TSHZ2: variants seen among roughly 807,000 people sequenced by gnomAD.
The protein encoded by TSHZ2 is teashirt zinc finger homeobox 2.
TSHZ2 carries 21 observed loss-of-function variants against 74.4 expected under a neutral mutation model. The ratio of observed to expected loss-of-function variants is 0.28; its 90% CI spans 0.20 to 0.41. The LOEUF (loss-of-function observed/expected upper bound fraction) is 0.41, where lower values mean the gene tolerates loss of function less well. Ranked by LOEUF, TSHZ2 falls within the 10% of genes least tolerant of loss-of-function variation. The pLI is 1.00. For missense variants in TSHZ2, 1,244 were observed against 1,293.5 expected (o/e 0.96, Z 0.59); for synonymous variants, 540 against 515.3 (o/e 1.05, Z -0.65).
In TSHZ2 at chr20:53,254,991, G is replaced by A; in HGVS notation, c.1533G>A (p.Lys511=). ...AGGAAGACTTGGAAGATGGCTCAAA[G>A]GGTGGAGGGGACATTTTGAAATCTT... ...LREEDLEDGS[K]GGGDILKSLE... The change falls in exon 2 of 3, where the codon AAG becomes AAA. Residue 511 remains lysine, a synonymous_variant. Coordinates refer to ENST00000371497, the MANE Select transcript of TSHZ2 (RefSeq NM_173485.6). The A allele has an allele frequency of 6.2e-7, 1 of 1,614,174 alleles. No homozygotes were observed. Among genetic ancestry groups the A allele is most frequent in the Non-Finnish European group, 8.5e-7 (1 of 1,180,028 alleles).
intron 1 of TSHZ2, among the ~76,000 whole-genome samples, chr20:53,236,442 G>T (rs1315684903): frequency 6.6e-6 from 1 of 152,222 alleles, no homozygotes; most frequent in Admixed American, 6.5e-5. Context: ...CAAAATGCAA[G>T]ATTTGTCTAG....
chr20:53,229,723 A>G (rs891900658), intron 1 of TSHZ2, among the ~76,000 whole-genome samples: 4 of 151,944 alleles, frequency 2.6e-5, no homozygotes, highest in African/African-American at 9.7e-5. Flanking sequence ...ATTGGGAGAG[A>G]AAAGAAAGAA....
At chr20:53,261,378 T>C (rs1305312965) in intron 2 of TSHZ2, among the ~76,000 whole-genome samples, 2 of 152,186 alleles carry the variant, frequency 1.3e-5, no homozygotes, top group African/African-American at 4.8e-5. Flanking sequence ...ATTTGCCATA[T>C]GGTGTCTAAC....
intron 1 of TSHZ2, among the ~76,000 whole-genome samples, chr20:53,232,722 C>G (rs902126170): frequency 6.6e-6 from 1 of 151,972 alleles, no homozygotes; most frequent in Admixed American, 6.6e-5. Flanking sequence ...AGAGCGAGAC[C>G]CCCCCTCTAG....
intron 1 of TSHZ2, among the ~76,000 whole-genome samples, chr20:53,001,200 A>G (rs62206633): frequency 4.0e-4 from 22 of 54,492 alleles, no homozygotes; most frequent in African/African-American, 1.2e-3. Context: ...GTGTGCGTTC[A>G]TGTGCGTGTG....
At chr20:53,349,786 A>G (rs1980578263) in intron 2 of TSHZ2, among the ~76,000 whole-genome samples, 1 of 152,218 alleles carries the variant, frequency 6.6e-6, no homozygotes, top group Admixed American at 6.5e-5. Flanking sequence ...TCATTCTTAT[A>G]TTCTTATTAC....
At chr20:53,290,774 A>G (rs1991263846) in intron 2 of TSHZ2, among the ~76,000 whole-genome samples, 1 of 152,130 alleles carries the variant, frequency 6.6e-6, no homozygotes, top group Non-Finnish European at 1.5e-5. Context: ...GTCAGTGTCC[A>G]CTCTCAAAAG....
chr20:52,975,928 T>C (rs1981319011), intron 1 of TSHZ2, among the ~76,000 whole-genome samples: 1 of 152,174 alleles, frequency 6.6e-6, no homozygotes, highest in African/African-American at 2.4e-5. Context: ...TTAAACACAA[T>C]GCACAACTGT....
chr20:53,196,924 T>A (rs1988414928), intron 1 of TSHZ2, among the ~76,000 whole-genome samples: 1 of 152,272 alleles, frequency 6.6e-6, no homozygotes, highest in South Asian at 2.1e-4. Context: ...AGCCTCAGCT[T>A]CCCTATGTCC....
At chr20:53,375,625 A>C (rs1289307063) in intron 2 of TSHZ2, among the ~76,000 whole-genome samples, 1 of 152,000 alleles carries the variant, frequency 6.6e-6, no homozygotes, top group Non-Finnish European at 1.5e-5. Flanking sequence ...AGGGAACCAC[A>C]GGGCTGCTGC....
At chr20:53,428,641 G>C (rs1221766234) in intron 2 of TSHZ2, among the ~76,000 whole-genome samples, 2 of 147,526 alleles carry the variant, frequency 1.4e-5, no homozygotes, top group African/African-American at 4.9e-5. Context: ...ACAGACAAAT[G>C]GGAAATTGTA....
Position 53,495,063 on chromosome 20 carries a change from C to T in TSHZ2, c.*7928C>T, listed in dbSNP as rs1237606906. On this transcript the variant is annotated 3_prime_UTR_variant, in exon 3 of 3. Transcript: ENST00000371497. ...TACGGAATAGCAGAGACATGCCTCT[C>T]AACACCATTAGCTTTGCAAATGGCT... The T allele has an allele frequency of 6.6e-6, 1 of 152,078 alleles. No homozygotes were observed. The highest frequency in any genetic ancestry group is 1.5e-5 in the Non-Finnish European group (1 of 68,040). The allele number at this position is 152,078 out of a possible 1,614,324, so 9.4% of individuals were successfully genotyped here.
rs1389439311 is a variant in TSHZ2 at position 53,489,183 on chromosome 20, C to T, written c.*2048C>T. 1 of 456,060 alleles carries T rather than the reference C, an allele frequency of 2.2e-6. No individual in the cohort carries two copies. Among genetic ancestry groups the T allele is most frequent in the Non-Finnish European group, 4.4e-6 (1 of 226,960 alleles). 28.3% of individuals were successfully genotyped at this position (456,060 alleles called of 1,614,324 possible). A position where few individuals can be genotyped will look rare whatever the true frequency, so the allele number is the denominator to read the frequency against. On this transcript the variant is annotated 3_prime_UTR_variant, in exon 3 of 3. Coordinates refer to ENST00000371497, the MANE Select transcript of TSHZ2 (RefSeq NM_173485.6). ...CTCATGGGCATAGGGAATAGCGGCT[C>T]AAATGTAGTTCTGACATGAAAAGCA...
chr20:53,218,727 T>C (rs1989490327), intron 1 of TSHZ2, among the ~76,000 whole-genome samples: 1 of 152,236 alleles, frequency 6.6e-6, no homozygotes, highest in African/African-American at 2.4e-5. Context: ...TTGTCTCCTA[T>C]AGTAATGTCT....
intron 2 of TSHZ2, among the ~76,000 whole-genome samples, chr20:53,369,682 G>A (rs1459784400): frequency 6.6e-6 from 1 of 152,126 alleles, no homozygotes; most frequent in East Asian, 1.9e-4. Context: ...CTGCACCCCA[G>A]CCTGGGTGAC....
chr20:53,244,314 G>C (rs1306058765), intron 1 of TSHZ2, among the ~76,000 whole-genome samples: 1 of 152,118 alleles, frequency 6.6e-6, no homozygotes, highest in Non-Finnish European at 1.5e-5. Flanking sequence ...TGCATGACTT[G>C]CTGAAAATAT....
chr20:53,046,374 G>C (rs572695739), intron 1 of TSHZ2, among the ~76,000 whole-genome samples: 1 of 152,102 alleles, frequency 6.6e-6, no homozygotes, highest in Admixed American at 6.5e-5. Context: ...GCACTCGATG[G>C]TGGCTAGCAA....
chr20:53,274,256 GAGACTCCATCT>G (rs1334310994), intron 2 of TSHZ2, among the ~76,000 whole-genome samples: 2 of 152,208 alleles, frequency 1.3e-5, no homozygotes, highest in Non-Finnish European at 2.9e-5. Flanking sequence ...GCGACAGAGT[GAGACTCCATCT>G]CAAAATAAAT....
At chr20:53,152,519 C>T (rs779735067) in intron 1 of TSHZ2, among the ~76,000 whole-genome samples, 2 of 152,150 alleles carry the variant, frequency 1.3e-5, no homozygotes, top group African/African-American at 2.4e-5. Context: ...TGGTTGTTGC[C>T]ACACAGAAAC....
Sources: gnomAD v4.1 joint callset for allele counts (sites outside exome capture counted in the v4.1 genomes callset) on GRCh38, gnomAD v4.1.1 for gene constraint, MANE v1.5 for transcripts, NCBI Gene and HGNC (gene_info 2026-07-23, HGNC 2026-07-21) for gene names.